Variants in HCK observed in about 807,000 individuals in gnomAD.
HCK encodes the protein HCK proto-oncogene, Src family tyrosine kinase, also known as tyrosine-protein kinase HCK.
A neutral mutation model predicts 70.4 loss-of-function variants in HCK; 40 were observed. That is an observed-to-expected ratio of 0.57 (90% CI 0.44 to 0.74). The LOEUF (loss-of-function observed/expected upper bound fraction) is 0.74, where lower values mean the gene tolerates loss of function less well. Ranked by LOEUF, HCK falls within the 30% of genes least tolerant of loss-of-function variation. The pLI, the probability that HCK is intolerant of heterozygous loss-of-function variation, is 0.00. For missense variants in HCK, 568 were observed against 697.2 expected (o/e 0.81, Z 2.09); for synonymous variants, 245 against 263.2 (o/e 0.93, Z 0.67).
At chr20:32,077,877 C>T (rs1236882102) in intron 5 of HCK, among the ~76,000 whole-genome samples, 1 of 152,144 alleles carries the variant, frequency 6.6e-6, no homozygotes, top group East Asian at 1.9e-4. Flanking sequence ...TCCTACCGTC[C>T]ATTTAACCTC....
chr20:32,083,806 C>A, intron 6 of HCK, 88 bp from the exon 7 acceptor site: 2 of 1,491,778 alleles, frequency 1.3e-6, no homozygotes, highest in Admixed American at 1.7e-5. Context: ...ACGGTGCCAG[C>A]GGTAGCCTTA....
chr20:32,074,015 T>C, intron 4 of HCK, among the ~76,000 whole-genome samples, 197 bp downstream of exon 4: 1 of 152,138 alleles, frequency 6.6e-6, no homozygotes, highest in Admixed American at 6.6e-5. Flanking sequence ...TTACTGAGAG[T>C]GCACGTCCAG....
intron 5 of HCK, among the ~76,000 whole-genome samples, chr20:32,075,524 G>C: frequency 6.6e-6 from 1 of 152,120 alleles, no homozygotes; most frequent in East Asian, 1.9e-4. Flanking sequence ...TGATTCATTC[G>C]ACAAGCACAT....
At chr20:32,089,312 T>C (rs2045833269) in intron 10 of HCK, among the ~76,000 whole-genome samples, 1 of 127,444 alleles carries the variant, frequency 7.8e-6, no homozygotes, top group Non-Finnish European at 1.5e-5. Context: ...TAGGTAATTA[T>C]CATCCCATTT....
chr20:32,071,994 C>T, intron 2 of HCK: 1 of 592,608 alleles, frequency 1.7e-6, no homozygotes, highest in Non-Finnish European at 2.9e-6. Flanking sequence ...TCCTGCAGCC[C>T]AGGCTTGGCC....
In HCK at chr20:32,101,709, C is replaced by A; in HGVS notation, c.*190C>A. 2.0e-6 allele frequency: 1 copy of A among 492,060 alleles called. No homozygotes were observed. The highest frequency in any genetic ancestry group is 3.6e-6 in the Non-Finnish European group (1 of 277,714). The allele number at this position is 492,060 out of a possible 1,614,324, so 30.5% of individuals were successfully genotyped here. A position where few individuals can be genotyped will look rare whatever the true frequency, so the allele number is the denominator to read the frequency against. ...CTTTTTGACTCTTGCAATCCACAAT[C>A]TGACATTCTCAGGAAGCCCCCAAGT... On this transcript the variant is annotated 3_prime_UTR_variant, in exon 13 of 13. Transcript: ENST00000375852.
chr20:32,092,608 T>G (rs1485916887), intron 10 of HCK, among the ~76,000 whole-genome samples: 3 of 152,014 alleles, frequency 2.0e-5, no homozygotes, highest in Admixed American at 2.0e-4. Context: ...GCCTCTAATA[T>G]CTCCCCAACA....
intron 1 of HCK, chr20:32,069,729 TTTCCCAG>T (rs2045510709): frequency 1.6e-6 from 2 of 1,258,946 alleles, no homozygotes; most frequent in African/African-American, 3.1e-5. Context: ...GTGGCAAATC[TTTCCCAG>T]TTCCCACCAG....
chr20:32,071,574 G>C (rs2045538909), intron 1 of HCK, 88 bp from the exon 2 acceptor site: 1 of 1,546,598 alleles, frequency 6.5e-7, no homozygotes, highest in Admixed American at 1.8e-5. Context: ...CCAGCCCGGG[G>C]GCAGGGGACC....
At chr20:32,066,048 C>T (rs1051792094) in intron 1 of HCK, among the ~76,000 whole-genome samples, 2 of 152,136 alleles carry the variant, frequency 1.3e-5, no homozygotes, top group Non-Finnish European at 2.9e-5. Context: ...GGTTCTCACG[C>T]TAGCCACACT....
At chr20:32,058,438 A>G (rs1298698885) in intron 1 of HCK, among the ~76,000 whole-genome samples, 2 of 151,396 alleles carry the variant, frequency 1.3e-5, no homozygotes, top group Non-Finnish European at 2.9e-5. Flanking sequence ...AAGCCGAGGC[A>G]GGAGAATTGC....
At chr20:32,057,875 G>A (rs532109929) in intron 1 of HCK, among the ~76,000 whole-genome samples, 3 of 152,276 alleles carry the variant, frequency 2.0e-5, no homozygotes, top group South Asian at 4.1e-4. Flanking sequence ...ACTTTCAGAG[G>A]CGTGGGTAAT....
At chr20:32,078,856 CAAAAAAAAAAA>C (rs368194350) in intron 5 of HCK, among the ~76,000 whole-genome samples, 7 of 36,224 alleles carry the variant, frequency 1.9e-4, no homozygotes, top group Non-Finnish European at 3.2e-4. Flanking sequence ...GACTCAGTCT[CAAAAAAAAAAA>C]AAAAAAAAAA....
chr20:32,094,775 A>AAGAAAGAAAG (rs1569010068), intron 11 of HCK, among the ~76,000 whole-genome samples: 8 of 117,260 alleles, frequency 6.8e-5, no homozygotes, highest in African/African-American at 3.0e-4. Flanking sequence ...GAAAGAAAGA[A>AAGAAAGAAAG]AGAGAGAGAA....
In HCK at chr20:32,073,489, G is replaced by C. The variant is rs60766411; in HGVS notation, c.226+128G>C. ...GTCGAGAATCCCCAAAATTTCCTCT[G>C]AAGTGCTTTGCGCAGGCTATTGTGT... On this transcript the variant is annotated intron_variant, in intron 3 of 12. Coordinates refer to ENST00000375852, the MANE Select transcript of HCK (RefSeq NM_002110.5). The C allele has an allele frequency of 1.3e-3, 1,037 of 828,342 alleles. 12 individuals are homozygous for C. In the East Asian group the frequency reaches 0.024, roughly 19 times the overall value. The allele number at this position is 828,342 out of a possible 1,614,324, so 51.3% of individuals were successfully genotyped here.
At chr20:32,073,426 C>G in intron 3 of HCK, 65 bp downstream of exon 3, 1 of 1,400,342 alleles carries the variant, frequency 7.1e-7, no homozygotes, top group South Asian at 1.2e-5. Context: ...TAGGTTCTCC[C>G]TTAGCTTGAG....
chr20:32,079,170 C>A (rs1036873216), intron 5 of HCK, among the ~76,000 whole-genome samples: 1 of 152,194 alleles, frequency 6.6e-6, no homozygotes, highest in Admixed American at 6.5e-5. Context: ...GAAAATGTCC[C>A]AGGATATAAT....
At position 32,074,718 on chromosome 20, in the gene HCK, A is replaced by C; in HGVS notation, c.425A>C (p.Glu142Ala). ...GCCCGCGTTGACTCTCTGGAGACAG[A>C]GGAGTAAGTATCCTATTTCCTACCT... The change falls in exon 5 of 13, where the codon GAG becomes GCG. Residue 142 changes from glutamate (E) to alanine (A), a missense_variant. Transcript: ENST00000375852. The C allele has an allele frequency of 6.2e-7, 1 of 1,608,822 alleles. No homozygotes were observed. The highest frequency in any genetic ancestry group is 8.5e-7 in the Non-Finnish European group (1 of 1,175,130).
intron 1 of HCK, among the ~76,000 whole-genome samples, chr20:32,053,063 C>A (rs1380588878): frequency 1.3e-5 from 2 of 152,162 alleles, no homozygotes; most frequent in Admixed American, 6.5e-5. Flanking sequence ...CATGCATGCC[C>A]TGTCTCTTTC....
Sources: gnomAD v4.1 joint callset for allele counts (sites outside exome capture counted in the v4.1 genomes callset) on GRCh38, gnomAD v4.1.1 for gene constraint, MANE v1.5 for transcripts, NCBI Gene and HGNC (gene_info 2026-07-23, HGNC 2026-07-21) for gene names.